Variants in GRM7 observed in about 807,000 individuals in gnomAD.
GRM7 encodes the protein metabotropic glutamate receptor 7.
GRM7 carries 35 observed loss-of-function variants against 84.5 expected under a neutral mutation model. The observed-to-expected ratio is 0.41, with a 90% CI of 0.32 to 0.55. The LOEUF is 0.55. GRM7 is among the 20% of genes least tolerant of loss of function. GRM7 has a pLI of 0.19. For missense variants in GRM7, 1,003 were observed against 1,194.6 expected, an observed-to-expected ratio of 0.84 and a Z score of 2.36; for synonymous variants, 487 against 455.1, an observed-to-expected ratio of 1.07 and a Z score of -0.89.
At chr3:7,120,493 C>G (rs976332236) in intron 1 of GRM7, among the ~76,000 whole-genome samples, 4 of 152,086 alleles carry the variant, frequency 2.6e-5, no homozygotes, top group Admixed American at 2.6e-4. Context: ...GCTACAAAAA[C>G]ATTTTGTATC....
intron 1 of GRM7, among the ~76,000 whole-genome samples, chr3:6,957,029 G>A (rs1460764308): frequency 6.6e-6 from 1 of 152,136 alleles, no homozygotes; most frequent in Non-Finnish European, 1.5e-5. Context: ...CTATTTATAT[G>A]TATAGATATA....
intron 4 of GRM7, among the ~76,000 whole-genome samples, chr3:7,371,441 G>A (rs1694129115): frequency 6.6e-6 from 1 of 152,050 alleles, no homozygotes; most frequent in South Asian, 2.1e-4. Context: ...TGTAATAGAT[G>A]GTTTACAAAA....
intron 1 of GRM7, among the ~76,000 whole-genome samples, chr3:7,093,238 A>T (rs1698729956): frequency 6.6e-6 from 1 of 152,112 alleles, no homozygotes; most frequent in Non-Finnish European, 1.5e-5. Context: ...ACTAAGGCCC[A>T]GTTTGATTAA....
intron 7 of GRM7, chr3:7,559,282 G>C (rs1393479271): frequency 3.9e-5 from 6 of 152,326 alleles, no homozygotes; most frequent in Non-Finnish European, 8.8e-5. Context: ...GAGGACTGAA[G>C]GGAGGAGAAA....
intron 2 of GRM7, among the ~76,000 whole-genome samples, chr3:7,187,414 A>T (rs915025894): frequency 1.3e-5 from 2 of 152,140 alleles, no homozygotes; most frequent in African/African-American, 2.4e-5. Context: ...AGGCTAGGAT[A>T]TATTTATTGT....
chr3:7,315,378 C>G (rs1700546164), intron 4 of GRM7, among the ~76,000 whole-genome samples: 1 of 152,194 alleles, frequency 6.6e-6, no homozygotes, highest in Non-Finnish European at 1.5e-5. Context: ...CAAAAGAACT[C>G]TTTCCAGCTT....
intron 1 of GRM7, among the ~76,000 whole-genome samples, chr3:7,001,163 T>C (rs2124876915): frequency 6.6e-6 from 1 of 152,170 alleles, no homozygotes; most frequent in African/African-American, 2.4e-5. Context: ...CTGGACAACA[T>C]AGTGAGACCC....
intron 2 of GRM7, among the ~76,000 whole-genome samples, chr3:7,258,069 G>A (rs1426219265): frequency 6.6e-6 from 1 of 151,922 alleles, no homozygotes; most frequent in Non-Finnish European, 1.5e-5. Context: ...TTTGATTCAG[G>A]CTACTCAGGC....
At chr3:6,984,397 T>C (rs1694321473) in intron 1 of GRM7, among the ~76,000 whole-genome samples, 1 of 152,236 alleles carries the variant, frequency 6.6e-6, no homozygotes, top group Non-Finnish European at 1.5e-5. Flanking sequence ...TGAAAGCTGA[T>C]GCATTACAAT....
intron 1 of GRM7, among the ~76,000 whole-genome samples, chr3:6,907,764 T>C (rs1178476124): frequency 1.3e-5 from 2 of 152,162 alleles, no homozygotes; most frequent in African/African-American, 4.8e-5. Flanking sequence ...AAATGTCTCA[T>C]TGAAGTAGGG....
chr3:7,201,103 G>A (rs1189808425), intron 2 of GRM7, among the ~76,000 whole-genome samples: 1 of 151,140 alleles, frequency 6.6e-6, no homozygotes, highest in East Asian at 2.0e-4. Context: ...CCGAGTGGCT[G>A]GGACTACAGA....
rs1383457112 is a variant in GRM7 at position 7,706,185 on chromosome 3, T to C, written c.2698+25890T>C. ...GACATAGAAAAAACAAGTAGGTTGA[T>C]TGCATCTTTATAGAGCCATATTGCC... On this transcript the variant is annotated intron_variant, in intron 9 of 9. Transcript: ENST00000357716. 2.0e-5 allele frequency among the ~76,000 whole-genome samples: 3 copies of C among 152,218 alleles called. No individual in the cohort carries two copies. The East Asian group carries it at 5.8e-4, about 29-fold the overall frequency.
At chr3:7,661,404 C>A (rs1699437411) in intron 8 of GRM7, among the ~76,000 whole-genome samples, 1 of 152,172 alleles carries the variant, frequency 6.6e-6, no homozygotes, top group South Asian at 2.1e-4. Flanking sequence ...AATTTTCCTG[C>A]ACACCTATTA....
chr3:7,662,954 A>G (rs1699530838), intron 8 of GRM7, among the ~76,000 whole-genome samples: 1 of 152,216 alleles, frequency 6.6e-6, no homozygotes, highest in African/African-American at 2.4e-5. Context: ...TTTCTGAGAG[A>G]TGCTGATGTG....
chr3:7,656,924 T>C (rs190508251), intron 8 of GRM7, among the ~76,000 whole-genome samples: 1 of 152,314 alleles, frequency 6.6e-6, no homozygotes, highest in East Asian at 1.9e-4. Context: ...ACATTGACGA[T>C]TGCCACTTGA....
Position 7,693,236 on chromosome 3 carries a change from A to G in GRM7, c.2698+12941A>G, listed in dbSNP as rs1367580707. On this transcript the variant is annotated intron_variant, in intron 9 of 9. Coordinates refer to ENST00000357716, the MANE Select transcript of GRM7 (RefSeq NM_000844.4). Reference sequence around the variant, plus strand: ...GAGTCTTCATATACAGATGGTTATAAAAAGACTCACCTCTGCTTAAGGTAA... The same window carrying G: ...GAGTCTTCATATACAGATGGTTATAGAAAGACTCACCTCTGCTTAAGGTAA... Among the ~76,000 whole-genome samples the G allele has an allele frequency of 2.0e-5, 3 of 152,168 alleles. No individual in the cohort carries two copies. In the East Asian group the frequency reaches 5.8e-4, roughly 29 times the overall value.
At chr3:7,652,837 C>T (rs916699921) in intron 8 of GRM7, among the ~76,000 whole-genome samples, 1 of 152,148 alleles carries the variant, frequency 6.6e-6, no homozygotes. Flanking sequence ...ACATCTAATT[C>T]TTTTTGAAAC....
rs1559514670 is a variant in GRM7, at chr3:7,229,751, A to ATTTTTTTT, written c.737-68932_737-68931insTTTTTTTT. 3.5e-4 allele frequency among the ~76,000 whole-genome samples: 10 copies of ATTTTTTTT among 28,634 alleles called. No homozygotes were observed. The East Asian group carries it at 9.2e-3, about 26-fold the overall frequency. 18.8% of individuals were successfully genotyped at this position (28,634 alleles called of 152,430 possible). A position where few individuals can be genotyped will look rare whatever the true frequency, so the allele number is the denominator to read the frequency against. ...CATATATATATATATATATATATAT[A>ATTTTTTTT]TATATATATTTTTTTTTTTTTTTGG... On this transcript the variant is annotated intron_variant, in intron 2 of 9. Coordinates refer to ENST00000357716, the MANE Select transcript of GRM7 (RefSeq NM_000844.4).
At chr3:6,944,442 T>C (rs1377963459) in intron 1 of GRM7, among the ~76,000 whole-genome samples, 2 of 152,182 alleles carry the variant, frequency 1.3e-5, no homozygotes, top group Non-Finnish European at 2.9e-5. Context: ...TTATATGGCT[T>C]TTCTTTTTAA....
Sources: gnomAD v4.1 joint callset for allele counts (sites outside exome capture counted in the v4.1 genomes callset) on GRCh38, gnomAD v4.1.1 for gene constraint, MANE v1.5 for transcripts, NCBI Gene and HGNC (gene_info 2026-07-23, HGNC 2026-07-21) for gene names.